CSMD1: variants seen among roughly 807,000 people sequenced by gnomAD.
CSMD1 encodes the protein CUB and Sushi multiple domains 1.
CSMD1 carries 213 observed loss-of-function variants against 417.5 expected under a neutral mutation model. That is an observed-to-expected ratio of 0.51 (90% CI 0.46 to 0.57). The LOEUF is 0.57. CSMD1 is among the 20% of genes least tolerant of loss of function. CSMD1 has a pLI of 0.00. For synonymous variants in CSMD1, 2,862 were observed against 1,736.8 expected (o/e 1.65, Z -16.11); for missense variants, 6,923 against 4,529.7 (o/e 1.53, Z -15.17).
At chr8:4,076,716 A>G (rs929507629) in intron 3 of CSMD1, among the ~76,000 whole-genome samples, 3 of 152,126 alleles carry the variant, frequency 2.0e-5, no homozygotes, top group Non-Finnish European at 2.9e-5. Context: ...ACTGCTACTC[A>G]TCTCTGGCTC....
chr8:3,826,398 A>T (rs1360384156), intron 5 of CSMD1, among the ~76,000 whole-genome samples: 1 of 152,158 alleles, frequency 6.6e-6, no homozygotes, highest in Non-Finnish European at 1.5e-5. Context: ...AAGACAACTG[A>T]TCATGAGACA....
chr8:3,373,775 T>C (rs1810127396), intron 18 of CSMD1: 1 of 152,212 alleles, frequency 6.6e-6, no homozygotes, highest in African/African-American at 2.4e-5. Flanking sequence ...CTTAATGCTA[T>C]AATTTCTTGA....
chr8:3,475,534 T>C (rs1208855063), intron 11 of CSMD1, among the ~76,000 whole-genome samples: 5 of 152,192 alleles, frequency 3.3e-5, no homozygotes, highest in African/African-American at 1.2e-4. Context: ...TCACGTGTGA[T>C]TTTAGCTAAA....
intron 54 of CSMD1, among the ~76,000 whole-genome samples, chr8:2,981,813 T>A (rs752599001): frequency 6.6e-6 from 1 of 152,092 alleles, no homozygotes; most frequent in Non-Finnish European, 1.5e-5. Context: ...ACAATGACAA[T>A]TGAACTAGAA....
intron 3 of CSMD1, among the ~76,000 whole-genome samples, chr8:4,175,140 C>A (rs1025652372): frequency 1.3e-5 from 2 of 151,918 alleles, no homozygotes; most frequent in Non-Finnish European, 2.9e-5. Context: ...AGTGTAAGAC[C>A]TCGACCATCA....
At chr8:4,428,811 C>T (rs1360401004) in intron 2 of CSMD1, among the ~76,000 whole-genome samples, 3 of 152,034 alleles carry the variant, frequency 2.0e-5, no homozygotes, top group African/African-American at 7.2e-5. Context: ...CCTCCACCTC[C>T]CAGGTTGAAG....
chr8:4,253,338 C>A (rs1205760225), intron 3 of CSMD1, among the ~76,000 whole-genome samples: 1 of 152,052 alleles, frequency 6.6e-6, no homozygotes, highest in Non-Finnish European at 1.5e-5. Context: ...TACTATAGAA[C>A]TTATCACTGT....
At chr8:3,623,371 A>G (rs921520733) in intron 7 of CSMD1, among the ~76,000 whole-genome samples, 2 of 152,304 alleles carry the variant, frequency 1.3e-5, no homozygotes, top group Admixed American at 1.3e-4. Context: ...GTAGCAAACT[A>G]TAGAAGTAGA....
chr8:4,416,328 A>G (rs967922068), intron 3 of CSMD1, among the ~76,000 whole-genome samples: 1 of 151,522 alleles, frequency 6.6e-6, no homozygotes, highest in South Asian at 2.1e-4. Context: ...AAAATGAACT[A>G]AAAAGTCAAC....
intron 6 of CSMD1, among the ~76,000 whole-genome samples, chr8:3,752,938 A>C (rs1226334360): frequency 6.6e-6 from 1 of 152,180 alleles, no homozygotes; most frequent in Non-Finnish European, 1.5e-5. Context: ...TATTTAGACC[A>C]GTTTGTTGAA....
intron 10 of CSMD1, among the ~76,000 whole-genome samples, chr8:3,544,062 G>A (rs1798554477): frequency 6.6e-6 from 1 of 152,114 alleles, no homozygotes; most frequent in Non-Finnish European, 1.5e-5. Context: ...GCTAACCACA[G>A]GCCAAGGTGT....
At chr8:3,968,117 G>A (rs1812814265) in intron 5 of CSMD1, among the ~76,000 whole-genome samples, 1 of 151,552 alleles carries the variant, frequency 6.6e-6, no homozygotes, top group African/African-American at 2.4e-5. Flanking sequence ...AACCCGGGAG[G>A]CAGAGCTTGC....
intron 30 of CSMD1, among the ~76,000 whole-genome samples, chr8:3,214,234 C>T (rs963545492): frequency 2.6e-5 from 4 of 151,996 alleles, no homozygotes; most frequent in African/African-American, 4.8e-5. Context: ...AGATCTAGAA[C>T]ACACAAAAAC....
chr8:3,995,572 T>C (rs1053203347), intron 5 of CSMD1, among the ~76,000 whole-genome samples: 1 of 152,184 alleles, frequency 6.6e-6, no homozygotes, highest in Admixed American at 6.5e-5. Flanking sequence ...GAAAATGCCG[T>C]GGAGTCAGAG....
intron 10 of CSMD1, among the ~76,000 whole-genome samples, chr8:3,540,063 G>C (rs1187090080): frequency 2.0e-5 from 3 of 152,118 alleles, no homozygotes; most frequent in African/African-American, 2.4e-5. Flanking sequence ...TGCAATCTCT[G>C]ATTGGCTCAT....
intron 5 of CSMD1, among the ~76,000 whole-genome samples, chr8:3,795,029 C>G (rs1271895552): frequency 6.6e-6 from 1 of 150,590 alleles, no homozygotes; most frequent in South Asian, 2.1e-4. Context: ...TCATATATAG[C>G]TATAGATACA....
At chr8:3,423,525 C>G (rs755539537) in intron 12 of CSMD1, among the ~76,000 whole-genome samples, 2 of 152,118 alleles carry the variant, frequency 1.3e-5, no homozygotes, top group Non-Finnish European at 1.5e-5. Flanking sequence ...CTTTTTGTTG[C>G]TCAATGGTCC....
intron 5 of CSMD1, among the ~76,000 whole-genome samples, chr8:3,790,284 A>G (rs1485484086): frequency 6.6e-6 from 1 of 152,320 alleles, no homozygotes; most frequent in African/African-American, 2.4e-5. Context: ...AGAAAACAAG[A>G]TGAAGTAAGT....
At chr8:3,279,406 C>T (rs921365642) in intron 26 of CSMD1, among the ~76,000 whole-genome samples, 1 of 152,162 alleles carries the variant, frequency 6.6e-6, no homozygotes, top group Non-Finnish European at 1.5e-5. Context: ...TATAATTTGT[C>T]TTAGGAAAAT....
Sources: allele counts gnomAD v4.1 joint callset (sites outside exome capture counted in the v4.1 genomes callset), GRCh38; gene constraint gnomAD v4.1.1; transcripts MANE v1.5; gene names NCBI Gene and HGNC (gene_info 2026-07-23, HGNC 2026-07-21).